The following OPCML variants were observed in gnomAD, a reference collection of about 807,000 sequenced individuals.
OPCML encodes the protein opioid binding protein/cell adhesion molecule like.
In OPCML, 13 loss-of-function variants were observed where a neutral mutation model predicts 37.8. That is an observed-to-expected ratio of 0.34 (90% CI 0.22 to 0.55). OPCML has a LOEUF of 0.55. Ranked by LOEUF, OPCML falls within the 20% of genes least tolerant of loss-of-function variation. The pLI, the probability that OPCML is intolerant of heterozygous loss-of-function variation, is 0.91. For missense variants in OPCML, 341 were observed against 435.6 expected, an observed-to-expected ratio of 0.78 and a Z score of 1.93; for synonymous variants, 176 against 168.8, an observed-to-expected ratio of 1.04 and a Z score of -0.33.
At chr11:132,476,455 G>C (rs2096156020) in intron 4 of OPCML, among the ~76,000 whole-genome samples, 1 of 152,220 alleles carries the variant, frequency 6.6e-6, no homozygotes, top group Admixed American at 6.5e-5. Flanking sequence ...GTCCAACAAT[G>C]ATAGACTGGA....
intron 1 of OPCML, among the ~76,000 whole-genome samples, chr11:133,161,431 T>G (rs1450506555): frequency 6.6e-6 from 1 of 152,174 alleles, no homozygotes; most frequent in Admixed American, 6.5e-5. Flanking sequence ...GTGAGGAAGG[T>G]GTTCTAAGAA....
At chr11:133,312,010 T>C (rs886418707) in intron 1 of OPCML, among the ~76,000 whole-genome samples, 7 of 152,114 alleles carry the variant, frequency 4.6e-5, no homozygotes, top group Non-Finnish European at 7.4e-5. Flanking sequence ...CCAGTGCTTA[T>C]GTCAAGCTGA....
rs531076033 is a variant in OPCML at position 132,583,768 on chromosome 11, C to A, written c.380-54582G>T. On this transcript the variant is annotated intron_variant, in intron 3 of 7. Transcript: ENST00000524381. ...AGCTGGGATTACAGTCATGCACCAC[C>A]ATGCCCAGCTAATTTTTGTGTTTTT... is the stretch of plus-strand genomic sequence containing the variant. Among the ~76,000 whole-genome samples, 69 of 152,198 alleles carry A rather than the reference C, an allele frequency of 4.5e-4. 1 individual carries two copies. Among genetic ancestry groups the A allele is most frequent in the African/African-American group, 1.5e-3 (64 of 41,544 alleles).
intron 1 of OPCML, among the ~76,000 whole-genome samples, chr11:133,341,055 A>G (rs145362037): frequency 2.0e-5 from 3 of 152,116 alleles, no homozygotes; most frequent in African/African-American, 7.2e-5. Flanking sequence ...CTAGGTGTGT[A>G]TTTATTAACT....
At chr11:133,528,013 G>A (rs537834588) in intron 1 of OPCML, among the ~76,000 whole-genome samples, 4 of 152,360 alleles carry the variant, frequency 2.6e-5, no homozygotes, top group African/African-American at 7.2e-5. Context: ...GCAAGTGCCA[G>A]CTGTCTAAAG....
At chr11:132,669,409 AG>A (rs752980829) in intron 2 of OPCML, among the ~76,000 whole-genome samples, 1,711 of 38,146 alleles carry the variant, frequency 0.045, 22 homozygotes, top group Middle Eastern at 0.13. Flanking sequence ...ACCATGGAAA[AG>A]GGAAAAGGGA....
chr11:133,290,370 G>A (rs1942442700), intron 1 of OPCML, among the ~76,000 whole-genome samples: 1 of 152,194 alleles, frequency 6.6e-6, no homozygotes, highest in African/African-American at 2.4e-5. Flanking sequence ...CTCCTGGCCT[G>A]TACCTGAGCC....
intron 1 of OPCML, among the ~76,000 whole-genome samples, chr11:133,322,441 C>A (rs1157065306): frequency 6.6e-6 from 1 of 152,196 alleles, no homozygotes; most frequent in Non-Finnish European, 1.5e-5. Flanking sequence ...GTCTGGCGAT[C>A]TTTTTCAAAC....
chr11:132,920,003 G>A (rs541939533), intron 2 of OPCML, among the ~76,000 whole-genome samples: 32 of 152,324 alleles, frequency 2.1e-4, no homozygotes, highest in Middle Eastern at 3.4e-3. Flanking sequence ...GGGGAAATGG[G>A]GAGTAGCCGC....
At chr11:132,683,733 G>C (rs991129538) in intron 2 of OPCML, among the ~76,000 whole-genome samples, 4 of 152,086 alleles carry the variant, frequency 2.6e-5, no homozygotes, top group African/African-American at 9.7e-5. Flanking sequence ...GTCATTCAGA[G>C]TGATACTGAT....
Position 132,424,202 on chromosome 11 carries a change from C to T in OPCML, c.917-3909G>A, listed in dbSNP as rs139236415. ...TGGCGTGATCTCGGCTCACTGCAAG[C>T]TCCACCTCCTGGGTTCACGCCGTTC... On this transcript the variant is annotated intron_variant, in intron 7 of 7. Transcript: ENST00000524381. Among the ~76,000 whole-genome samples, 4 of 152,008 alleles carry T rather than the reference C, an allele frequency of 2.6e-5. No individual in the cohort carries two copies. In the East Asian group the frequency reaches 7.8e-4, roughly 30 times the overall value.
chr11:133,177,016 G>C lies in OPCML; in HGVS notation c.62-234006C>G, dbSNP rs752656156. 6.6e-6 allele frequency among the ~76,000 whole-genome samples: 1 copy of C among 152,184 alleles called. No individual in the cohort carries two copies. ...CTTCAGTGCCAGCTCAGCTCCTCCT[G>C]TGCCATCATCCTGCCAGCGGGACCC... On this transcript the variant is annotated intron_variant, in intron 1 of 7. Coordinates refer to ENST00000524381, the MANE Select transcript of OPCML (RefSeq NM_001012393.5). The surrounding 1 kb of genome is among the most constrained non-coding windows in gnomAD (Gnocchi z 5.0).
intron 3 of OPCML, among the ~76,000 whole-genome samples, chr11:132,590,874 G>C (rs2096483291): frequency 6.6e-6 from 1 of 152,110 alleles, no homozygotes; most frequent in South Asian, 2.1e-4. Flanking sequence ...CTGACAGCTT[G>C]CCAAACACTA....
At chr11:133,347,313 C>T (rs1944026523) in intron 1 of OPCML, among the ~76,000 whole-genome samples, 1 of 152,214 alleles carries the variant, frequency 6.6e-6, no homozygotes, top group African/African-American at 2.4e-5. Context: ...CTCCCGGGAG[C>T]TGCAACTGGT....
intron 4 of OPCML, among the ~76,000 whole-genome samples, chr11:132,461,383 T>A (rs1363687344): frequency 6.6e-6 from 1 of 152,112 alleles, no homozygotes; most frequent in African/African-American, 2.4e-5. Flanking sequence ...AAGGACTGGG[T>A]TCGAGCAGGT....
intron 1 of OPCML, among the ~76,000 whole-genome samples, chr11:133,027,489 G>GTA (rs552362808): frequency 0.13 from 19,928 of 148,178 alleles, 1,428 homozygotes; most frequent in Non-Finnish European, 0.16. Flanking sequence ...GTGTGTGTGT[G>GTA]TTGTGTGTGT....
At chr11:132,990,748 AGTT>A (rs1011028846) in intron 1 of OPCML, among the ~76,000 whole-genome samples, 1 of 152,232 alleles carries the variant, frequency 6.6e-6, no homozygotes, top group African/African-American at 2.4e-5. Context: ...TGAAGATTTT[AGTT>A]GTGTGACCTA....
chr11:132,733,087 C>T (rs761656351), intron 2 of OPCML, among the ~76,000 whole-genome samples: 1 of 152,106 alleles, frequency 6.6e-6, no homozygotes, highest in Non-Finnish European at 1.5e-5. Flanking sequence ...ATATGTTTTA[C>T]TTTATTATTA....
intron 1 of OPCML, among the ~76,000 whole-genome samples, chr11:133,358,550 GA>G (rs1264382447): frequency 1.3e-5 from 2 of 152,112 alleles, no homozygotes; most frequent in Non-Finnish European, 2.9e-5. Flanking sequence ...CAAGGTACTG[GA>G]AAAAAATAGA....
Sources: allele counts gnomAD v4.1 joint callset (sites outside exome capture counted in the v4.1 genomes callset), GRCh38; gene constraint gnomAD v4.1.1; non-coding constraint Gnocchi (gnomAD v3.1); transcripts MANE v1.5; gene names NCBI Gene and HGNC (gene_info 2026-07-23, HGNC 2026-07-21).